The following SUPT3H variants were observed in gnomAD, a reference collection of about 807,000 sequenced individuals.
SUPT3H encodes SPT3 homolog, SAGA and STAGA complex component.
Under a neutral mutation model 44.3 loss-of-function variants are expected in SUPT3H, and 44 were observed. The ratio of observed to expected loss-of-function variants is 0.99; its 90% CI spans 0.78 to 1.28. The LOEUF is 1.28. SUPT3H is among the 50% of genes most tolerant of loss of function. The pLI is 0.00. For missense variants in SUPT3H, 380 were observed against 387.1 expected, an observed-to-expected ratio of 0.98 and a Z score of 0.15; for synonymous variants, 124 against 125.6, an observed-to-expected ratio of 0.99 and a Z score of 0.09.
intron 3 of SUPT3H, among the ~76,000 whole-genome samples, chr6:45,074,508 A>G (rs1252839091): frequency 2.0e-5 from 3 of 152,006 alleles, no homozygotes; most frequent in Admixed American, 6.6e-5. Context: ...GAAAATCACA[A>G]TAAAATAATA....
At chr6:44,811,673 T>G (rs141041608) in intron 11 of SUPT3H, among the ~76,000 whole-genome samples, 1 of 152,310 alleles carries the variant, frequency 6.6e-6, no homozygotes, top group African/African-American at 2.4e-5. Context: ...TACTCCACAT[T>G]CAGTTCTGAC....
chr6:44,950,309 T>A (rs145673677), intron 9 of SUPT3H, among the ~76,000 whole-genome samples: 246 of 152,300 alleles, frequency 1.6e-3, no homozygotes, highest in African/African-American at 5.7e-3. Flanking sequence ...AAATTCCTTA[T>A]CAGTCACATC....
intron 11 of SUPT3H, among the ~76,000 whole-genome samples, chr6:44,812,132 T>C (rs1301781806): frequency 2.0e-5 from 3 of 152,236 alleles, no homozygotes; most frequent in Non-Finnish European, 4.4e-5. Context: ...TTTAGTAGCA[T>C]AAATACCACA....
intron 2 of SUPT3H, among the ~76,000 whole-genome samples, chr6:45,317,541 T>C (rs984092757): frequency 4.6e-5 from 7 of 152,036 alleles, no homozygotes; most frequent in African/African-American, 1.7e-4. Flanking sequence ...AATCCATACA[T>C]TTACTGTCAA....
intron 10 of SUPT3H, among the ~76,000 whole-genome samples, chr6:44,928,831 G>A (rs1437176729): frequency 7.5e-6 from 1 of 133,112 alleles, no homozygotes; most frequent in Non-Finnish European, 1.5e-5. Context: ...TGCAGTGAGC[G>A]GAGATCGCGC....
At chr6:44,810,599 A>G (rs1355409575) in intron 11 of SUPT3H, among the ~76,000 whole-genome samples, 1 of 17,404 alleles carries the variant, frequency 5.7e-5, no homozygotes, top group Non-Finnish European at 1.5e-4. Context: ...ATAGCCTTTT[A>G]CTAAAAAAAA....
intron 2 of SUPT3H, among the ~76,000 whole-genome samples, chr6:45,138,523 C>T (rs905314060): frequency 2.6e-5 from 4 of 151,856 alleles, no homozygotes; most frequent in African/African-American, 7.3e-5. Flanking sequence ...TTTTTAGCAG[C>T]AAAACTCAAG....
At chr6:45,106,700 C>T (rs1414816307) in intron 2 of SUPT3H, among the ~76,000 whole-genome samples, 3 of 152,058 alleles carry the variant, frequency 2.0e-5, no homozygotes, top group Non-Finnish European at 4.4e-5. Context: ...CCACACCTGG[C>T]TAATTTTTTA....
At chr6:45,136,827 A>G (rs568574893) in intron 2 of SUPT3H, among the ~76,000 whole-genome samples, 44 of 152,276 alleles carry the variant, frequency 2.9e-4, no homozygotes, top group African/African-American at 9.9e-4. Flanking sequence ...ACCAATGTGC[A>G]TATAACAGAG....
intron 2 of SUPT3H, among the ~76,000 whole-genome samples, chr6:45,193,337 T>C (rs1257496162): frequency 1.3e-5 from 2 of 152,140 alleles, no homozygotes; most frequent in East Asian, 3.8e-4. Context: ...TAAAATTTAG[T>C]TCCAAATTTT....
chr6:45,263,363 A>T (rs1198885925), intron 2 of SUPT3H, among the ~76,000 whole-genome samples: 2 of 152,170 alleles, frequency 1.3e-5, no homozygotes, highest in East Asian at 1.9e-4. Context: ...CCATTGTTCT[A>T]AGCAAATTAA....
intron 2 of SUPT3H, among the ~76,000 whole-genome samples, chr6:45,325,963 G>A (rs1786280114): frequency 1.3e-5 from 2 of 151,758 alleles, no homozygotes; most frequent in Admixed American, 1.3e-4. Flanking sequence ...TCTTTCTCCT[G>A]CTAGAATTTG....
chr6:45,141,537 G>T (rs998094749), intron 2 of SUPT3H, among the ~76,000 whole-genome samples: 10 of 151,584 alleles, frequency 6.6e-5, no homozygotes, highest in African/African-American at 2.2e-4. Context: ...GGAAATGAAA[G>T]ACACACTTAG....
chr6:45,375,284 T>G (rs1032303994), intron 1 of SUPT3H, among the ~76,000 whole-genome samples: 2 of 152,208 alleles, frequency 1.3e-5, no homozygotes, highest in African/African-American at 4.8e-5. Context: ...CCAACAAGGC[T>G]AACAGTAGGG....
At chr6:45,012,707 C>T (rs1439095291) in intron 5 of SUPT3H, among the ~76,000 whole-genome samples, 1 of 151,912 alleles carries the variant, frequency 6.6e-6, no homozygotes, top group African/African-American at 2.4e-5. Flanking sequence ...TTATTGTTCA[C>T]ACTTACCTAT....
rs1302389022 is a variant in SUPT3H, at chr6:45,095,935, C to T, written c.186+9987G>A. 6.6e-6 allele frequency among the ~76,000 whole-genome samples: 1 copy of T among 152,000 alleles called. No individual in the cohort carries two copies. Among genetic ancestry groups the T allele is most frequent in the Non-Finnish European group, 1.5e-5 (1 of 67,966 alleles). Reference sequence around the variant, plus strand: ...TAAATGTGAAATTCTTGGAAATTTTCTAATCCATTTCTCATCTCAATCATG... The same window carrying T: ...TAAATGTGAAATTCTTGGAAATTTTTTAATCCATTTCTCATCTCAATCATG... On this transcript the variant is annotated intron_variant, in intron 3 of 10. Transcript: ENST00000371459. This position sits in a 1 kb window ranked among gnomAD's most constrained non-coding sequence, Gnocchi z 4.1.
chr6:44,997,655 T>C (rs542760312), intron 6 of SUPT3H, among the ~76,000 whole-genome samples: 5 of 152,002 alleles, frequency 3.3e-5, no homozygotes, highest in African/African-American at 1.2e-4. Flanking sequence ...TAGCAATGCC[T>C]TTTATTGCAC....
At chr6:45,325,618 TA>T (rs781002080) in intron 2 of SUPT3H, among the ~76,000 whole-genome samples, 168 of 151,538 alleles carry the variant, frequency 1.1e-3, no homozygotes, top group Non-Finnish European at 1.4e-3. Context: ...CCAGAGAGGA[TA>T]AAATTTTATG....
chr6:45,080,844 A>G (rs1795697280), intron 3 of SUPT3H, among the ~76,000 whole-genome samples: 3 of 151,994 alleles, frequency 2.0e-5, no homozygotes, highest in Admixed American at 6.6e-5. Flanking sequence ...AAGAATAAAT[A>G]AGGTCTAGTA....
Sources: allele counts gnomAD v4.1 joint callset (sites outside exome capture counted in the v4.1 genomes callset), GRCh38; gene constraint gnomAD v4.1.1; non-coding constraint Gnocchi (gnomAD v3.1); transcripts MANE v1.5; gene names NCBI Gene and HGNC (gene_info 2026-07-23, HGNC 2026-07-21).